SAMD9: variants seen among roughly 807,000 people sequenced by gnomAD.
The protein encoded by SAMD9 is sterile alpha motif domain-containing protein 9.
A neutral mutation model predicts 1.5 loss-of-function variants in SAMD9; 3 were observed. The ratio of observed to expected loss-of-function variants is 2.05; its 90% confidence interval spans 0.93 to 5.29. The LOEUF is 5.29. Among genes scored for constraint, SAMD9 ranks in the 30% most tolerant of loss-of-function variants. The probability of loss-of-function intolerance (pLI) is 0.02; values close to 1 mark genes in which losing one functional copy is unlikely to be tolerated. For missense variants in SAMD9, 1,597 were observed against 1,820.8 expected, an observed-to-expected ratio of 0.88 and a Z score of 2.24; for synonymous variants, 635 against 631.9, an observed-to-expected ratio of 1.00 and a Z score of -0.07.
chr7:93,115,988 C>T (rs1244326076), intron 1 of SAMD9, among the ~76,000 whole-genome samples: 1 of 152,192 alleles, frequency 6.6e-6, no homozygotes, highest in African/African-American at 2.4e-5. Flanking sequence ...CTACTCCACC[C>T]TATGAAAGTA....
chr7:93,114,069 A>T (rs1249453705), intron 2 of SAMD9, among the ~76,000 whole-genome samples: 2 of 152,146 alleles, frequency 1.3e-5, no homozygotes, highest in African/African-American at 4.8e-5. Flanking sequence ...TCATTGATAG[A>T]CTGGATTAAG....
At chr7:93,113,782 T>G (rs1214424356) in intron 2 of SAMD9, among the ~76,000 whole-genome samples, 2 of 152,064 alleles carry the variant, frequency 1.3e-5, no homozygotes, top group Non-Finnish European at 2.9e-5. Context: ...GGGGGATCAT[T>G]AAAAAGTCAG....
Position 93,105,865 on chromosome 7 carries a change from G to C in SAMD9, c.233C>G (p.Ala78Gly). ...AGATGTCTGAATCGAATCTTCAATG[G>C]CTGTTTTCCGCAATTCTTTGAATAG... The part of the protein sequence containing the change: ...EELFKELRKT[A>G]IEDSIQTSKM... The change falls in exon 3 of 3, where the codon GCC (alanine) becomes GGC (glycine). Residue 78 changes from alanine to glycine, a missense_variant. Around this residue, in one of 6 missense-constraint regions of SAMD9, gnomAD observed 498 missense variants for 457.4 expected, o/e 1.09. Coordinates refer to ENST00000379958, the MANE Select transcript of SAMD9 (RefSeq NM_017654.4). 6.2e-7 allele frequency: 1 copy of C among 1,614,014 alleles called. No homozygotes were observed. The highest frequency in any genetic ancestry group is 1.1e-5 in the South Asian group (1 of 91,070).
In SAMD9 at chr7:93,104,936, C is replaced by G. The variant is rs756431711; in HGVS notation, c.1162G>C (p.Glu388Gln). The G allele has an allele frequency of 6.2e-7, 1 of 1,610,972 alleles. No individual in the cohort carries two copies. Among genetic ancestry groups the G allele is most frequent in the Non-Finnish European group, 8.5e-7 (1 of 1,179,074 alleles). The change falls in exon 3 of 3, where the codon GAA becomes CAA. Residue 388 changes from glutamate to glutamine, a missense_variant. Physicochemically the swap from Glu to Gln is conservative, Grantham distance 29 (BLOSUM62 2). Coordinates refer to ENST00000379958, the MANE Select transcript of SAMD9 (RefSeq NM_017654.4). ...EKFRAKTNKK[E>Q]REGPKLVKLL... is the part of the protein sequence containing the mutation. Reference sequence around the variant, plus strand: ...TTAACCAACTTTGGTCCCTCTCTTTCTTTTTTATTTGTTTTTGCTCTGAAT... The same window carrying G: ...TTAACCAACTTTGGTCCCTCTCTTTGTTTTTTATTTGTTTTTGCTCTGAAT...
rs1185254164 is a variant in SAMD9 at position 93,114,822 on chromosome 7, A to T, written c.-36T>A. 1 of 152,246 alleles carries T rather than the reference A, an allele frequency of 6.6e-6. No homozygotes were observed. Among genetic ancestry groups the T allele is most frequent in the Non-Finnish European group, 1.5e-5 (1 of 68,040 alleles). 9.4% of individuals were successfully genotyped at this position (152,246 alleles called of 1,614,324 possible). A position where few individuals can be genotyped will look rare whatever the true frequency, so the allele number is the denominator to read the frequency against. On this transcript the variant is annotated 5_prime_UTR_variant, in exon 2 of 3. Transcript: ENST00000379958. The stretch of plus-strand genomic sequence containing the variant: ...AACTGACTCTAGAAGAAACCGAAGA[A>T]GTCTCACTTCCAGGGTGATGTAGGA...
Position 93,103,560 on chromosome 7 carries a change from C to T in SAMD9, c.2538G>A (p.Arg846=). 6.2e-7 allele frequency: 1 copy of T among 1,613,342 alleles called. No homozygotes were observed. The highest frequency in any genetic ancestry group is 1.1e-5 in the South Asian group (1 of 91,034). ...MRSQNPEKSA[R]IPDSIAVIQQ... ...GTATTACGGCAATACTGTCTGGGATCCTTGCACTTTTTTCAGGATTTTGTG... is the reference window on the plus strand; with the variant it reads ...GTATTACGGCAATACTGTCTGGGATTCTTGCACTTTTTTCAGGATTTTGTG... Residue 846 remains arginine (R), a synonymous_variant, in exon 3 of 3, where the codon AGG becomes AGA. Coordinates refer to ENST00000379958, the MANE Select transcript of SAMD9 (RefSeq NM_017654.4).
chr7:93,108,043 A>G (rs1791673666), intron 2 of SAMD9, among the ~76,000 whole-genome samples: 1 of 152,234 alleles, frequency 6.6e-6, no homozygotes, highest in African/African-American at 2.4e-5. Flanking sequence ...AAAATGCTGC[A>G]TATAAAGAGT....
In SAMD9 at chr7:93,104,273, A is replaced by G; in HGVS notation, c.1825T>C (p.Leu609=). 2 of 1,613,520 alleles carry G rather than the reference A, an allele frequency of 1.2e-6. No individual in the cohort carries two copies. The highest frequency in any genetic ancestry group is 1.7e-6 in the Non-Finnish European group (2 of 1,179,648). ...GTGCCATTGATCTCTTCAAGGCTTA[A>G]AGCAGAAATACATTGGCTTGAAATT... ...DEISSQCISA[L]SLEEINGTIL... is the part of the protein sequence containing the mutation. The change falls in exon 3 of 3, where the codon TTA becomes CTA. Residue 609 remains leucine, a synonymous_variant. Transcript: ENST00000379958.
intron 2 of SAMD9, among the ~76,000 whole-genome samples, chr7:93,107,807 C>T (rs1791670759): frequency 6.6e-6 from 1 of 152,048 alleles, no homozygotes; most frequent in Non-Finnish European, 1.5e-5. Context: ...AGCAACATAC[C>T]TTACAGCTAT....
rs749321461 is a variant in SAMD9, at chr7:93,104,254, T to C, written c.1844A>G (p.Asn615Ser). 2.5e-6 allele frequency: 4 copies of C among 1,613,682 alleles called. No homozygotes were observed. The African/African-American group carries it at 4.0e-5, about 16-fold the overall frequency. The stretch of plus-strand genomic sequence containing the variant: ...AGATTTTAGTTTAAGAATAGTGCCA[T>C]TGATCTCTTCAAGGCTTAAAGCAGA... ...CISALSLEEI[N>S]GTILKLKSVT... is the part of the protein sequence containing the mutation. Residue 615 changes from asparagine to serine, a missense_variant, in exon 3 of 3, where the codon AAT (asparagine) becomes AGT (serine). Coordinates refer to ENST00000379958, the MANE Select transcript of SAMD9 (RefSeq NM_017654.4).
At chr7:93,112,766 AAGG>A (rs1390406815) in intron 2 of SAMD9, among the ~76,000 whole-genome samples, 1 of 152,218 alleles carries the variant, frequency 6.6e-6, no homozygotes, top group Non-Finnish European at 1.5e-5. Flanking sequence ...AGACCTCTTC[AAGG>A]AGAACTACAA....
rs899310099 is a variant in SAMD9, at chr7:93,104,007, A to G, written c.2091T>C (p.Ser697=). Residue 697 remains serine, a synonymous_variant, in exon 3 of 3, where the codon TCT becomes TCC. Transcript: ENST00000379958. ...CAAAAGGTGAAGAATAACTTTCAGA[A>G]GAGAAGTAGAAGTTCCACCATGACA... ...GKVSWWNFYF[S]SESYSSPFVK... 1.9e-6 allele frequency: 3 copies of G among 1,613,854 alleles called. No homozygotes were observed. Among genetic ancestry groups the G allele is most frequent in the Non-Finnish European group, 2.5e-6 (3 of 1,179,852 alleles).
At chr7:93,113,282 A>C (rs1434609562) in intron 2 of SAMD9, among the ~76,000 whole-genome samples, 1 of 152,222 alleles carries the variant, frequency 6.6e-6, no homozygotes, top group East Asian at 1.9e-4. Context: ...TCCCTTCCTT[A>C]CACCTCATAC....
chr7:93,103,909 G>A lies in SAMD9; in HGVS notation c.2189C>T (p.Thr730Ile). The A allele has an allele frequency of 6.2e-7, 1 of 1,613,876 alleles. No individual in the cohort carries two copies. The highest frequency in any genetic ancestry group is 8.5e-7 in the Non-Finnish European group (1 of 1,179,830). Reference protein sequence around the residue: ...NCADSSKPTSTKIIHLYHHPG... With the variant: ...NCADSSKPTSIKIIHLYHHPG... ...ATGATGATACAGATGAATAATTTTG[G>A]TACTTGTTGGTTTAGAAGAATCTGC... The change falls in exon 3 of 3, where the codon ACC becomes ATC. Residue 730 changes from threonine (T) to isoleucine (I), a missense_variant. Thr to Ile is a moderately conservative substitution (Grantham distance 89). This residue lies in a region of SAMD9 where 358 missense variants were observed against 460.4 expected (regional missense o/e 0.78). Transcript: ENST00000379958.
At chr7:93,108,862 C>T (rs531432804) in intron 2 of SAMD9, among the ~76,000 whole-genome samples, 27 of 152,152 alleles carry the variant, frequency 1.8e-4, no homozygotes, top group Admixed American at 1.5e-3. Flanking sequence ...TCTGTAGACT[C>T]CACCTGTGGG....
chr7:93,109,356 G>C (rs1791700178), intron 2 of SAMD9, among the ~76,000 whole-genome samples: 1 of 152,146 alleles, frequency 6.6e-6, no homozygotes, highest in Non-Finnish European at 1.5e-5. Context: ...GAAGAAACCA[G>C]AGCAGAAAAG....
At position 93,105,851 on chromosome 7, in the gene SAMD9, T is replaced by G; in HGVS notation, c.247A>C (p.Ile83Leu). ...GGCTTTCCCATCTTAGATGTCTGAA[T>G]CGAATCTTCAATGGCTGTTTTCCGC... is the stretch of plus-strand genomic sequence containing the variant. ...ELRKTAIEDSIQTSKMGKPSK... is the reference protein window; with the variant it reads ...ELRKTAIEDSLQTSKMGKPSK... The change falls in exon 3 of 3, where the codon ATT becomes CTT. Residue 83 changes from isoleucine (I) to leucine (L), a missense_variant. This residue lies in a region of SAMD9 where 498 missense variants were observed against 457.4 expected (regional missense o/e 1.09). Coordinates refer to ENST00000379958, the MANE Select transcript of SAMD9 (RefSeq NM_017654.4). The G allele has an allele frequency of 6.2e-7, 1 of 1,614,186 alleles. No individual in the cohort carries two copies. The highest frequency in any genetic ancestry group is 8.5e-7 in the Non-Finnish European group (1 of 1,180,018).
chr7:93,103,551 G>A lies in SAMD9; in HGVS notation c.2547C>T (p.Asp849=), dbSNP rs760814702. ...AGAGTTGCTGTATTACGGCAATACTGTCTGGGATCCTTGCACTTTTTTCAG... is the reference window on the plus strand; with the variant it reads ...AGAGTTGCTGTATTACGGCAATACTATCTGGGATCCTTGCACTTTTTTCAG... The part of the protein sequence containing the change: ...QNPEKSARIP[D]SIAVIQQLSP... The change falls in exon 3 of 3, where the codon GAC becomes GAT. Residue 849 remains aspartate, a synonymous_variant. Coordinates refer to ENST00000379958, the MANE Select transcript of SAMD9 (RefSeq NM_017654.4). 2 of 1,613,464 alleles carry A rather than the reference G, an allele frequency of 1.2e-6. No homozygotes were observed. Among genetic ancestry groups the A allele is most frequent in the Admixed American group, 1.7e-5 (1 of 59,950 alleles).
chr7:93,116,768 A>T (rs536776293), intron 1 of SAMD9, among the ~76,000 whole-genome samples: 2 of 152,226 alleles, frequency 1.3e-5, no homozygotes, highest in Admixed American at 1.3e-4. Context: ...GAGTAAAATT[A>T]GTACCTAAAA....
Sources: allele counts gnomAD v4.1 joint callset (sites outside exome capture counted in the v4.1 genomes callset), GRCh38; gene constraint gnomAD v4.1.1; regional missense constraint gnomAD v4.1.1; transcripts MANE v1.5; gene names NCBI Gene and HGNC (gene_info 2026-07-23, HGNC 2026-07-21).